Variants in MAX observed in about 807,000 individuals in gnomAD.
The protein encoded by MAX is protein max.
A neutral mutation model predicts 22.3 loss-of-function variants in MAX; 3 were observed. The ratio of observed to expected loss-of-function variants is 0.13; its 90% CI spans 0.06 to 0.35. MAX has a LOEUF of 0.35. Among genes scored for constraint, MAX ranks in the 10% least tolerant of loss-of-function variants. The probability of loss-of-function intolerance (pLI) is 1.00; values close to 1 mark genes in which losing one functional copy is unlikely to be tolerated. For missense variants in MAX, 119 were observed against 209.4 expected, an observed-to-expected ratio of 0.57 and a Z score of 2.66; for synonymous variants, 72 against 77.7, an observed-to-expected ratio of 0.93 and a Z score of 0.39.
Position 65,077,846 on chromosome 14 carries a change from C to A in MAX, c.295+67G>T. ...ATGACTGGCTCTGACTCTGCAGGCC[C>A]AGGTGCCAAAGCCTGACCTGGCTGG... On this transcript the variant is annotated intron_variant, in intron 4 of 4. Transcript: ENST00000358664. The surrounding 1 kb of genome is among the most constrained non-coding windows in gnomAD (Gnocchi z 6.3). 4 of 1,614,228 alleles carry A rather than the reference C, an allele frequency of 2.5e-6. No homozygotes were observed. Among genetic ancestry groups the A allele is most frequent in the Non-Finnish European group, 3.4e-6 (4 of 1,180,046 alleles).
At position 65,011,980 on chromosome 14, in the gene MAX, G is replaced by T. The variant is rs1212352983; in HGVS notation, c.172-5696C>A. Among the ~76,000 whole-genome samples, 1 of 152,178 alleles carries T rather than the reference G, an allele frequency of 6.6e-6. No homozygotes were observed. Among genetic ancestry groups the T allele is most frequent in the African/African-American group, 2.4e-5 (1 of 41,454 alleles). On this transcript the variant is annotated intron_variant, in intron 3 of 3. Coordinates refer to the MAX transcript ENST00000341653. This position sits in a 1 kb window ranked among gnomAD's most constrained non-coding sequence, Gnocchi z 4.0. ...GGAGGCACAAAGATATCTGTTCTTA[G>T]ATGCTGGAGGAAGTTTCTGGGTGGA...
chr14:65,096,904 A>C (rs570368931), intron 2 of MAX, among the ~76,000 whole-genome samples: 1 of 152,214 alleles, frequency 6.6e-6, no homozygotes, highest in East Asian at 1.9e-4. Flanking sequence ...TCCCCTACAC[A>C]TCCTATGGTT....
At chr14:65,052,353 GCCATTTA>G (rs1315850815) in intron 3 of MAX, among the ~76,000 whole-genome samples, 4 of 152,264 alleles carry the variant, frequency 2.6e-5, no homozygotes, top group African/African-American at 9.6e-5. Context: ...GCTTTCAGGT[GCCATTTA>G]CCAATTGTTG....
chr14:65,092,776 T>C (rs1447022201), intron 3 of MAX, among the ~76,000 whole-genome samples: 2 of 152,228 alleles, frequency 1.3e-5, no homozygotes, highest in Non-Finnish European at 1.5e-5. Context: ...CCAAATTTGA[T>C]CTTGGATAAC....
chr14:65,020,777 G>A (rs2061872054), intron 3 of MAX, among the ~76,000 whole-genome samples: 1 of 135,872 alleles, frequency 7.4e-6, no homozygotes, highest in South Asian at 2.4e-4. Flanking sequence ...TTGTTGCCAG[G>A]CTGTAGTGCA....
downstream of MAX, chr14:65,075,039 G>C (rs952583388): frequency 2.0e-6 from 2 of 1,008,100 alleles, no homozygotes; most frequent in African/African-American, 3.5e-5. This position sits in a 1 kb window ranked among gnomAD's most constrained non-coding sequence, Gnocchi z 4.1. Context: ...TTCTCACTCA[G>C]ACTTACATTG....
chr14:65,085,451 G>A (rs1157725887), intron 3 of MAX, among the ~76,000 whole-genome samples: 5 of 152,118 alleles, frequency 3.3e-5, no homozygotes, highest in South Asian at 2.1e-4. Flanking sequence ...CTATCCTTCC[G>A]AATCTCAAGA....
intron 1 of MAX, 149 bp downstream of exon 1, chr14:65,102,155 G>C (rs1382657547): frequency 3.5e-6 from 5 of 1,435,778 alleles, no homozygotes; most frequent in Admixed American, 2.1e-5. Context: ...GGAGCGAACC[G>C]GGAACGCGAC....
Position 65,023,473 on chromosome 14 carries a change from T to G in MAX, c.172-17189A>C, listed in dbSNP as rs1015207794. Among the ~76,000 whole-genome samples the G allele has an allele frequency of 1.3e-5, 2 of 152,124 alleles. No individual in the cohort carries two copies. The highest frequency in any genetic ancestry group is 4.8e-5 in the African/African-American group (2 of 41,420). On this transcript the variant is annotated intron_variant, in intron 3 of 3. Coordinates refer to the MAX transcript ENST00000341653. This position sits in a 1 kb window ranked among gnomAD's most constrained non-coding sequence, Gnocchi z 4.1. The stretch of plus-strand genomic sequence containing the variant: ...CTTTGAACTTGACCCTCTTACAAGA[T>G]TTACATACTCTTTAATGATGGAATG...
rs2061655163 is a variant in MAX at position 65,009,741 on chromosome 14, A to G, written c.172-3457T>C. Among the ~76,000 whole-genome samples, 1 of 152,076 alleles carries G rather than the reference A, an allele frequency of 6.6e-6. No homozygotes were observed. The highest frequency in any genetic ancestry group is 2.1e-4 in the South Asian group (1 of 4,826). ...TGAACTAAACTAACTCAAATGTGTC[A>G]TGGTGTTTTCTTCATTTTGCCTGCT... On this transcript the variant is annotated intron_variant, in intron 3 of 3. Coordinates refer to the MAX transcript ENST00000341653. The surrounding 1 kb of genome is among the most constrained non-coding windows in gnomAD (Gnocchi z 4.2).
chr14:65,035,415 G>T (rs1271649639), intron 3 of MAX, among the ~76,000 whole-genome samples: 2 of 152,168 alleles, frequency 1.3e-5, no homozygotes, highest in African/African-American at 4.8e-5. Context: ...GTCATTTGCA[G>T]GGGGGTTGAC....
intron 2 of MAX, among the ~76,000 whole-genome samples, chr14:65,099,535 A>C (rs998236258): frequency 7.3e-5 from 11 of 150,366 alleles, no homozygotes; most frequent in African/African-American, 1.0e-4. Context: ...TTTCACCAAA[A>C]AAACAAACAA....
intron 3 of MAX, among the ~76,000 whole-genome samples, chr14:65,020,457 G>C (rs376449415): frequency 6.6e-6 from 1 of 151,716 alleles, no homozygotes; most frequent in African/African-American, 2.4e-5. Context: ...TGAGAGTCTC[G>C]CTCTGTTGCC....
rs745937275 is a variant in MAX at position 65,012,387 on chromosome 14, G to A, written c.172-6103C>T. On this transcript the variant is annotated intron_variant, in intron 3 of 3. Coordinates refer to the MAX transcript ENST00000341653. The surrounding 1 kb of genome is among the most constrained non-coding windows in gnomAD (Gnocchi z 5.0). Reference sequence around the variant, plus strand: ...CCTTCGACAACTGACAGATGCCTATGAGGTAAACACATTACCCAGGAACTC... The same window carrying A: ...CCTTCGACAACTGACAGATGCCTATAAGGTAAACACATTACCCAGGAACTC... 3 of 1,614,094 alleles carry A rather than the reference G, an allele frequency of 1.9e-6. No individual in the cohort carries two copies. Among genetic ancestry groups the A allele is most frequent in the Admixed American group, 3.3e-5 (2 of 60,030 alleles).
intron 3 of MAX, among the ~76,000 whole-genome samples, chr14:65,019,302 C>G (rs1169560288): frequency 6.6e-6 from 1 of 152,168 alleles, no homozygotes; most frequent in South Asian, 2.1e-4. Flanking sequence ...GTCTGGCCAA[C>G]ATGGTGAAAC....
Position 65,075,444 on chromosome 14 carries a change from T to C in MAX, c.*1032A>G. On this transcript the variant is annotated 3_prime_UTR_variant, in exon 5 of 5. Transcript: ENST00000358664. The surrounding 1 kb of genome is among the most constrained non-coding windows in gnomAD (Gnocchi z 4.1). ...GAAGTGGGATGAGGGCTGGGAAGGG[T>C]CCGCACTGGGGTGCGGGTTTAGTAC... 9.4e-7 allele frequency: 1 copy of C among 1,063,986 alleles called. No individual in the cohort carries two copies. The highest frequency in any genetic ancestry group is 1.1e-6 in the Non-Finnish European group (1 of 878,178). 65.9% of individuals were successfully genotyped at this position (1,063,986 alleles called of 1,614,324 possible).
At position 65,030,145 on chromosome 14, in the gene MAX, G is replaced by A. The variant is rs73270803; in HGVS notation, c.172-23861C>T. On this transcript the variant is annotated intron_variant, in intron 3 of 3. Coordinates refer to the MAX transcript ENST00000341653. The surrounding 1 kb of genome is among the most constrained non-coding windows in gnomAD (Gnocchi z 4.5). Reference sequence around the variant, plus strand: ...TGAGAGGCAAACTGTATTATAGGTCGCCTCCTACCTCACAAGTCACAATAG... The same window carrying A: ...TGAGAGGCAAACTGTATTATAGGTCACCTCCTACCTCACAAGTCACAATAG... Among the ~76,000 whole-genome samples the A allele has an allele frequency of 0.011, 1,606 of 152,278 alleles. 25 individuals are homozygous for A. Among genetic ancestry groups the A allele is most frequent in the East Asian group, 0.082 (423 of 5,186 alleles).
intron 3 of MAX, among the ~76,000 whole-genome samples, chr14:65,081,749 T>G (rs2063204450): frequency 6.6e-6 from 1 of 152,190 alleles, no homozygotes; most frequent in Non-Finnish European, 1.5e-5. Flanking sequence ...ATCATAATTT[T>G]GAGTCTGTCT....
chr14:65,077,191 C>A lies in MAX; in HGVS notation c.296-528G>T. The A allele has an allele frequency of 1.5e-6, 1 of 650,732 alleles. No individual in the cohort carries two copies. The highest frequency in any genetic ancestry group is 2.7e-6 in the Non-Finnish European group (1 of 364,876). The allele number at this position is 650,732 out of a possible 1,614,324, so 40.3% of individuals were successfully genotyped here. On this transcript the variant is annotated intron_variant, in intron 4 of 4. Coordinates refer to ENST00000358664, the MANE Select transcript of MAX (RefSeq NM_002382.5). The surrounding 1 kb of genome is among the most constrained non-coding windows in gnomAD (Gnocchi z 6.3). ...AAATACCTGGGCTTTTCAAATAGCCCCTACATGCAGGCTGCCTGGCCCAGT... is the reference window on the plus strand; with the variant it reads ...AAATACCTGGGCTTTTCAAATAGCCACTACATGCAGGCTGCCTGGCCCAGT...
Sources: allele counts gnomAD v4.1 joint callset (sites outside exome capture counted in the v4.1 genomes callset), GRCh38; gene constraint gnomAD v4.1.1; non-coding constraint Gnocchi (gnomAD v3.1); transcripts MANE v1.5; gene names NCBI Gene and HGNC (gene_info 2026-07-23, HGNC 2026-07-21).